Variants in SVOPL observed in about 807,000 individuals in gnomAD.
SVOPL encodes the protein SVOP like.
Under a neutral mutation model 61.0 loss-of-function variants are expected in SVOPL, and 60 were observed. The ratio of observed to expected loss-of-function variants is 0.98; its 90% CI spans 0.80 to 1.22. The LOEUF (loss-of-function observed/expected upper bound fraction) is 1.22, where lower values mean the gene tolerates loss of function less well. Ranked by LOEUF, SVOPL falls within the 50% of genes most tolerant of loss-of-function variation. The pLI is 0.00. For missense variants in SVOPL, 662 were observed against 643.9 expected, an observed-to-expected ratio of 1.03 and a Z score of -0.30; for synonymous variants, 279 against 250.0, an observed-to-expected ratio of 1.12 and a Z score of -1.09.
At chr7:138,625,355 T>C (rs1202991868) in intron 13 of SVOPL, among the ~76,000 whole-genome samples, 1 of 152,184 alleles carries the variant, frequency 6.6e-6, no homozygotes, top group Non-Finnish European at 1.5e-5. Context: ...GTATCTAAAG[T>C]ACTGTTTCCT....
chr7:138,699,770 C>T (rs768715700), intron 1 of SVOPL, among the ~76,000 whole-genome samples: 15 of 152,290 alleles, frequency 9.8e-5, no homozygotes, highest in South Asian at 4.1e-4. Flanking sequence ...TGAGGTGTGG[C>T]TCCGAGGAGC....
intron 8 of SVOPL, among the ~76,000 whole-genome samples, chr7:138,645,235 G>A (rs554775313): frequency 5.1e-4 from 78 of 152,214 alleles, no homozygotes; most frequent in African/African-American, 1.7e-3. Flanking sequence ...AGGGTGACAG[G>A]AACAGGGGGC....
chr7:138,694,660 G>A (rs1218303972), intron 1 of SVOPL, among the ~76,000 whole-genome samples: 2 of 152,146 alleles, frequency 1.3e-5, no homozygotes, highest in Non-Finnish European at 2.9e-5. Flanking sequence ...CCATATAGAA[G>A]CTCTTAAGTA....
intron 14 of SVOPL, among the ~76,000 whole-genome samples, chr7:138,611,893 T>G (rs1428924435): frequency 9.0e-5 from 6 of 66,472 alleles, no homozygotes; most frequent in South Asian, 6.7e-4. Flanking sequence ...GTCTGGGAGG[T>G]GTGCCCAACA....
Position 138,622,078 on chromosome 7 carries a change from C to G in SVOPL, c.1264-943G>C, listed in dbSNP as rs796373143. Among the ~76,000 whole-genome samples, 138 of 87,348 alleles carry G rather than the reference C, an allele frequency of 1.6e-3. 3 individuals carry two copies. The highest frequency in any genetic ancestry group is 6.5e-3 in the African/African-American group (118 of 18,112). 57.3% of individuals were successfully genotyped at this position (87,348 alleles called of 152,430 possible). ...TGTATCTATCTATCTATGTATCTAT[C>G]TATCTATCTATGTATCTATCTATCT... On this transcript the variant is annotated intron_variant, in intron 13 of 15. Coordinates refer to ENST00000674285, the MANE Select transcript of SVOPL (RefSeq NM_001139456.2).
In SVOPL at chr7:138,649,076, A is replaced by G. The variant is rs1801289154; in HGVS notation, c.596T>C (p.Ile199Thr). The change falls in exon 8 of 16, where the codon ATC becomes ACC. Residue 199 changes from isoleucine to threonine, a missense_variant. Physicochemically the swap from Ile to Thr is moderately conservative, Grantham distance 89 (BLOSUM62 -1). Coordinates refer to ENST00000674285, the MANE Select transcript of SVOPL (RefSeq NM_001139456.2). ...GACGCGAATGAGCCAGCGCCACCCG[A>G]TGGTGGGGATGATCACAGAGGCCAA... ...IGLASVIIPT[I>T]GWRWLIRVAS... 1 of 1,613,728 alleles carries G rather than the reference A, an allele frequency of 6.2e-7. No individual in the cohort carries two copies. Among genetic ancestry groups the G allele is most frequent in the African/African-American group, 1.3e-5 (1 of 74,838 alleles).
chr7:138,624,794 C>T (rs1184002748), intron 13 of SVOPL, among the ~76,000 whole-genome samples: 6 of 151,704 alleles, frequency 4.0e-5, no homozygotes, highest in African/African-American at 1.5e-4. Flanking sequence ...AACTCCTGCA[C>T]TCAAGCAATC....
intron 4 of SVOPL, among the ~76,000 whole-genome samples, chr7:138,667,398 T>C (rs950112925): frequency 6.6e-6 from 1 of 152,212 alleles, no homozygotes; most frequent in East Asian, 1.9e-4. Flanking sequence ...TAACATCTGT[T>C]AGATTTCACA....
At chr7:138,618,134 G>A (rs1291816137) in intron 14 of SVOPL, among the ~76,000 whole-genome samples, 2 of 152,066 alleles carry the variant, frequency 1.3e-5, no homozygotes, top group African/African-American at 4.8e-5. Flanking sequence ...AGAGCATCTC[G>A]ATTGCACAGA....
chr7:138,611,849 G>T (rs1584779116), intron 14 of SVOPL, among the ~76,000 whole-genome samples: 1 of 74,528 alleles, frequency 1.3e-5, no homozygotes, highest in Non-Finnish European at 2.7e-5. Flanking sequence ...CTCCCAAAGT[G>T]CCGAGATTGC....
intron 9 of SVOPL, among the ~76,000 whole-genome samples, chr7:138,637,427 C>CATATATATATATATATATATAT (rs377328822): frequency 4.2e-5 from 3 of 71,440 alleles, no homozygotes; most frequent in African/African-American, 1.2e-4. Flanking sequence ...GACTCCATCT[C>CATATATATATATATATATATAT]ATATATATAT....
chr7:138,633,310 G>C (rs929893075), intron 9 of SVOPL, among the ~76,000 whole-genome samples: 1 of 152,188 alleles, frequency 6.6e-6, no homozygotes, highest in East Asian at 1.9e-4. Context: ...GTCGGGGGTG[G>C]AGGCTTATGG....
intron 4 of SVOPL, among the ~76,000 whole-genome samples, chr7:138,666,547 C>T (rs1269509901): frequency 2.0e-5 from 3 of 152,178 alleles, no homozygotes; most frequent in Non-Finnish European, 4.4e-5. Flanking sequence ...TTCTGAATTC[C>T]TGTCTGAGAT....
intron 14 of SVOPL, among the ~76,000 whole-genome samples, chr7:138,618,878 T>C (rs1799424277): frequency 1.4e-5 from 2 of 148,002 alleles, no homozygotes; most frequent in African/African-American, 5.0e-5. Flanking sequence ...TTACAAGGAG[T>C]TAAGAATCCA....
At chr7:138,649,701 G>A (rs1380987824) in intron 7 of SVOPL, among the ~76,000 whole-genome samples, 1 of 152,120 alleles carries the variant, frequency 6.6e-6, no homozygotes, top group African/African-American at 2.4e-5. Context: ...TGATAGAGTG[G>A]GACTTGAGTC....
intron 14 of SVOPL, 79 bp from the exon 15 acceptor site, chr7:138,596,609 C>T (rs1267731778): frequency 4.3e-5 from 66 of 1,535,898 alleles, no homozygotes; most frequent in Middle Eastern, 1.9e-4. Flanking sequence ...AGAGAAAATA[C>T]AGATTCACTT....
In SVOPL at chr7:138,605,690, A is replaced by G. The variant is rs185421583; in HGVS notation, c.1354-9160T>C. On this transcript the variant is annotated intron_variant, in intron 14 of 15. Coordinates refer to ENST00000674285, the MANE Select transcript of SVOPL (RefSeq NM_001139456.2). ...ATGACAGTCATTCTGGAAACTAACA[A>G]GATAAAACACATAACCACAAACAGT... Among the ~76,000 whole-genome samples the G allele has an allele frequency of 4.0e-4, 61 of 151,682 alleles. No homozygotes were observed. In the East Asian group the frequency reaches 6.0e-3, roughly 15 times the overall value.
intron 14 of SVOPL, among the ~76,000 whole-genome samples, chr7:138,608,145 G>T (rs1304534959): frequency 2.0e-5 from 3 of 152,162 alleles, no homozygotes; most frequent in Non-Finnish European, 4.4e-5. Context: ...GACAAACCTT[G>T]TTCTTGGATA....
At position 138,655,571 on chromosome 7, in the gene SVOPL, GCA is replaced by G. The variant is rs149051889; in HGVS notation, c.534+875_534+876del. Among the ~76,000 whole-genome samples, 19 of 148,452 alleles carry G rather than the reference GCA, an allele frequency of 1.3e-4. No individual in the cohort carries two copies. The East Asian group carries it at 2.4e-3, about 19-fold the overall frequency. ...CCAAGGTGATATAAGCTACACACAC[GCA>G]CACACACACACACCCCTACACACAC... On this transcript the variant is annotated intron_variant, in intron 7 of 15. Transcript: ENST00000674285.
Sources: allele counts gnomAD v4.1 joint callset (sites outside exome capture counted in the v4.1 genomes callset), GRCh38; gene constraint gnomAD v4.1.1; transcripts MANE v1.5; gene names NCBI Gene and HGNC (gene_info 2026-07-23, HGNC 2026-07-21).